Variants in MOV10L1 observed in about 807,000 individuals in gnomAD.
MOV10L1 encodes Mov10 like RNA helicase 1, also known as RNA helicase Mov10l1.
Under a neutral mutation model 143.8 loss-of-function variants are expected in MOV10L1, and 110 were observed. The observed-to-expected ratio is 0.76, with a 90% CI of 0.66 to 0.90. MOV10L1 has a LOEUF of 0.90. Ranked by LOEUF, MOV10L1 falls within the 40% of genes least tolerant of loss-of-function variation. The pLI is 0.00. For missense variants in MOV10L1, 1,406 were observed against 1,526.8 expected (o/e 0.92, Z 1.32); for synonymous variants, 593 against 581.1 (o/e 1.02, Z -0.29).
chr22:50,138,574 AAAG>A (rs1254288667), intron 15 of MOV10L1, among the ~76,000 whole-genome samples: 1 of 152,126 alleles, frequency 6.6e-6, no homozygotes, highest in Non-Finnish European at 1.5e-5. Context: ...AAAAAATAGA[AAAG>A]AAAAAAAATC....
chr22:50,148,668 T>C (rs942788885), intron 19 of MOV10L1, among the ~76,000 whole-genome samples: 11 of 151,158 alleles, frequency 7.3e-5, no homozygotes, highest in Admixed American at 2.6e-4. Context: ...TTTTTCTTTT[T>C]TTTTTTTTTT....
chr22:50,126,098 C>T (rs141027867), intron 11 of MOV10L1, 104 bp from the exon 12 acceptor site: 17 of 755,648 alleles, frequency 2.2e-5, no homozygotes, highest in Middle Eastern at 2.3e-4. Context: ...AGCCTGACCC[C>T]AGTAACGTTT....
intron 20 of MOV10L1, among the ~76,000 whole-genome samples, chr22:50,150,526 G>A (rs972352768): frequency 5.9e-5 from 9 of 152,050 alleles, no homozygotes; most frequent in African/African-American, 2.2e-4. Context: ...CAGGACTTCG[G>A]GGAGGCAGAT....
rs747782134 is a variant in MOV10L1, at chr22:50,161,375, G to C, written c.3562G>C (p.Glu1188Gln). 6.3e-7 allele frequency: 1 copy of C among 1,596,822 alleles called. No homozygotes were observed. The highest frequency in any genetic ancestry group is 8.5e-7 in the Non-Finnish European group (1 of 1,171,970). Residue 1188 changes from glutamate (E) to glutamine (Q), a missense_variant, in exon 27 of 27, where the codon GAG becomes CAG. Physicochemically the swap from Glu to Gln is conservative, Grantham distance 29 (BLOSUM62 2). Coordinates refer to ENST00000262794, the MANE Select transcript of MOV10L1 (RefSeq NM_018995.3). ...CTTCTCCTCTGTCTACAGCTGTGGC[G>C]AGGGGGTGGCAGACCCCTCCTACCC... ...PALQSLQNCGEGVADPSYPVV... is the reference protein window; with the variant it reads ...PALQSLQNCGQGVADPSYPVV...
At chr22:50,090,676 TTGTGTG>T (rs150705221) in intron 1 of MOV10L1, 2 of 793,814 alleles carry the variant, frequency 2.5e-6, no homozygotes, top group South Asian at 1.8e-5. Context: ...CCTGAGGTGT[TTGTGTG>T]TGTGTGTGTG....
intron 2 of MOV10L1, chr22:50,096,050 A>G (rs2062579907): frequency 6.6e-6 from 1 of 152,222 alleles, no homozygotes; most frequent in Non-Finnish European, 1.5e-5. Context: ...TTCTTGTGGT[A>G]AAATATGCGT....
chr22:50,124,059 G>A (rs565449843), intron 10 of MOV10L1, among the ~76,000 whole-genome samples: 1 of 152,078 alleles, frequency 6.6e-6, no homozygotes, highest in African/African-American at 2.4e-5. Context: ...TGTCAATTTT[G>A]TTGATCTTTT....
chr22:50,113,090 G>A (rs1369654573), intron 5 of MOV10L1, among the ~76,000 whole-genome samples: 1 of 152,216 alleles, frequency 6.6e-6, no homozygotes, highest in Non-Finnish European at 1.5e-5. Flanking sequence ...AGGTTGTGGA[G>A]AGGCAGGGAG....
chr22:50,143,292 G>C (rs768445487), intron 17 of MOV10L1, 71 bp downstream of exon 17: 1 of 1,503,806 alleles, frequency 6.6e-7, no homozygotes, highest in Non-Finnish European at 9.2e-7. Context: ...TCTTCAGGAA[G>C]TGTGAGTTTA....
At chr22:50,113,568 G>A in intron 5 of MOV10L1, 80 bp from the exon 6 acceptor site, 1 of 1,550,084 alleles carries the variant, frequency 6.5e-7, no homozygotes, top group Non-Finnish European at 8.7e-7. Flanking sequence ...CCCACCAGCA[G>A]TCTATCCTCA....
chr22:50,108,932 G>A (rs1036295323), intron 5 of MOV10L1, 88 bp downstream of exon 5: 7 of 1,338,126 alleles, frequency 5.2e-6, no homozygotes, highest in Non-Finnish European at 7.3e-6. Flanking sequence ...ATCACCTGAG[G>A]TTGGGAGTTC....
chr22:50,150,578 C>G (rs1054467467), intron 20 of MOV10L1, among the ~76,000 whole-genome samples, 157 bp from the exon 21 acceptor site: 1 of 152,156 alleles, frequency 6.6e-6, no homozygotes, highest in African/African-American at 2.4e-5. Flanking sequence ...GGCTCCAAGC[C>G]CTGTCGGCAT....
chr22:50,151,229 C>G (rs1433836966), intron 21 of MOV10L1, among the ~76,000 whole-genome samples: 1 of 152,216 alleles, frequency 6.6e-6, no homozygotes, highest in African/African-American at 2.4e-5. Context: ...CCCCAAGGTC[C>G]CACTGAAGTG....
At chr22:50,099,282 C>T (rs988610037) in intron 2 of MOV10L1, among the ~76,000 whole-genome samples, 161 bp from the exon 3 acceptor site, 4 of 152,192 alleles carry the variant, frequency 2.6e-5, no homozygotes, top group African/African-American at 4.8e-5. Context: ...AGGAAGACAC[C>T]GACGGTATAC....
intron 15 of MOV10L1, among the ~76,000 whole-genome samples, chr22:50,140,600 A>G (rs1458886506): frequency 6.6e-6 from 1 of 152,214 alleles, no homozygotes; most frequent in African/African-American, 2.4e-5. Flanking sequence ...AGTGTTTTAA[A>G]AAGTTTACGA....
At chr22:50,101,572 T>C (rs1425475206) in intron 3 of MOV10L1, among the ~76,000 whole-genome samples, 1 of 135,172 alleles carries the variant, frequency 7.4e-6, no homozygotes, top group Non-Finnish European at 1.6e-5. Context: ...CAGGCTCGAG[T>C]GCAGTGGTGG....
At chr22:50,106,348 T>A (rs949204308) in intron 3 of MOV10L1, among the ~76,000 whole-genome samples, 2 of 149,144 alleles carry the variant, frequency 1.3e-5, no homozygotes, top group Admixed American at 1.3e-4. Context: ...TTTTTTTTTT[T>A]AGAGATGGGA....
At chr22:50,112,296 C>G (rs1054884177) in intron 5 of MOV10L1, among the ~76,000 whole-genome samples, 3 of 152,212 alleles carry the variant, frequency 2.0e-5, no homozygotes, top group African/African-American at 7.2e-5. Context: ...TGCTTTCAGC[C>G]CAGTCCGCTG....
Position 50,161,631 on chromosome 22 carries a change from C to T in MOV10L1, c.*182C>T. The T allele has an allele frequency of 3.5e-6, 2 of 579,438 alleles. No homozygotes were observed. The highest frequency in any genetic ancestry group is 4.6e-5 in the South Asian group (2 of 43,158). The allele number at this position is 579,438 out of a possible 1,614,324, so 35.9% of individuals were successfully genotyped here. ...TGACTTTGGCATATGCCAGCCTGTT[C>T]CTGCCACAGGGCAGTCACTGCCGCC... is the stretch of plus-strand genomic sequence containing the variant. On this transcript the variant is annotated 3_prime_UTR_variant, in exon 27 of 27. Coordinates refer to ENST00000262794, the MANE Select transcript of MOV10L1 (RefSeq NM_018995.3).
Sources: allele counts gnomAD v4.1 joint callset (sites outside exome capture counted in the v4.1 genomes callset), GRCh38; gene constraint gnomAD v4.1.1; transcripts MANE v1.5; gene names NCBI Gene and HGNC (gene_info 2026-07-23, HGNC 2026-07-21).